The following FERMT2 variants were observed in gnomAD, a reference collection of about 807,000 sequenced individuals.
FERMT2 encodes FERM domain containing kindlin 2, also known as fermitin family homolog 2.
In FERMT2, 15 loss-of-function variants were observed where a neutral mutation model predicts 82.7. The ratio of observed to expected loss-of-function variants is 0.18; its 90% CI spans 0.12 to 0.28. The LOEUF is 0.28. Ranked by LOEUF, FERMT2 falls within the 10% of genes least tolerant of loss-of-function variation. The pLI is 1.00. For synonymous variants in FERMT2, 274 were observed against 271.5 expected, an observed-to-expected ratio of 1.01 and a Z score of -0.09; for missense variants, 645 against 809.4, an observed-to-expected ratio of 0.80 and a Z score of 2.46.
In FERMT2 at chr14:52,864,635, A is replaced by G. The variant is rs1168832943; in HGVS notation, c.1381-13T>C. On this transcript the variant is annotated splice_polypyrimidine_tract_variant and intron_variant, in intron 11 of 14. Transcript: ENST00000341590. ...CATACTGTTTTTCCTGGAGAAAAGA[A>G]ATACTGATGTGTGCAATGTATCACG... 6.2e-7 allele frequency: 1 copy of G among 1,610,336 alleles called. No individual in the cohort carries two copies. Among genetic ancestry groups the G allele is most frequent in the Non-Finnish European group, 8.5e-7 (1 of 1,176,634 alleles).
chr14:52,893,225 C>A, intron 4 of FERMT2, 68 bp downstream of exon 4: 2 of 1,394,976 alleles, frequency 1.4e-6, no homozygotes, highest in South Asian at 1.7e-5. Context: ...ATTTACCCAC[C>A]ACCAGAAAGA....
At chr14:52,950,343 G>T (rs1431442497) in intron 2 of FERMT2, 69 bp downstream of exon 2, 2 of 1,503,762 alleles carry the variant, frequency 1.3e-6, no homozygotes, top group Non-Finnish European at 1.8e-6. Context: ...CTCCCCCGTC[G>T]TGAGCCTCTT....
intron 2 of FERMT2, among the ~76,000 whole-genome samples, chr14:52,931,041 T>C (rs938182600): frequency 2.0e-5 from 3 of 148,676 alleles, no homozygotes; most frequent in African/African-American, 7.3e-5. Flanking sequence ...TCTGATCTCT[T>C]TAGTCACTCA....
intron 7 of FERMT2, among the ~76,000 whole-genome samples, chr14:52,877,694 G>C (rs578008449): frequency 4.8e-4 from 69 of 142,710 alleles, no homozygotes; most frequent in Middle Eastern, 3.8e-3. Flanking sequence ...TTGGAAGACT[G>C]AGAGCATTTT....
intron 2 of FERMT2, among the ~76,000 whole-genome samples, chr14:52,924,420 TGTA>T (rs986375572): frequency 4.0e-5 from 2 of 49,726 alleles, no homozygotes; most frequent in Non-Finnish European, 9.3e-5. Flanking sequence ...AACAGCTGTC[TGTA>T]TTTTTTTTAT....
intron 2 of FERMT2, among the ~76,000 whole-genome samples, chr14:52,923,704 G>GA (rs1332405343): frequency 2.7e-5 from 4 of 150,904 alleles, no homozygotes; most frequent in Middle Eastern, 3.4e-3. Flanking sequence ...TTTACCCACA[G>GA]AAAAAAAATA....
chr14:52,888,530 T>C (rs1278005223), intron 4 of FERMT2, among the ~76,000 whole-genome samples: 5 of 152,262 alleles, frequency 3.3e-5, no homozygotes, highest in Non-Finnish European at 5.9e-5. Context: ...ATTCTACCAG[T>C]AGCTTCTTGT....
At chr14:52,897,954 CAAGGAGAGTGAAACTCCGTCTCAAAAAA>C (rs1887386109) in intron 3 of FERMT2, among the ~76,000 whole-genome samples, 1 of 104,688 alleles carries the variant, frequency 9.6e-6, no homozygotes. Flanking sequence ...CCAGCCTGGG[CAAGGAGAGTGAAACTCCGTCTCAAAAAA>C]AAAAAAAAAA....
chr14:52,946,370 A>T (rs1271023619), intron 2 of FERMT2, among the ~76,000 whole-genome samples: 1 of 152,066 alleles, frequency 6.6e-6, no homozygotes, highest in Non-Finnish European at 1.5e-5. Context: ...TAAAAAAAAA[A>T]AAACAGGCAT....
intron 2 of FERMT2, among the ~76,000 whole-genome samples, chr14:52,947,808 T>G (rs1291189567): frequency 6.6e-6 from 1 of 152,204 alleles, no homozygotes; most frequent in African/African-American, 2.4e-5. Flanking sequence ...AGCCTCTTCC[T>G]AGAAACTTCC....
chr14:52,894,499 A>C (rs1322628804), intron 3 of FERMT2, among the ~76,000 whole-genome samples: 1 of 152,202 alleles, frequency 6.6e-6, no homozygotes, highest in Admixed American at 6.5e-5. Flanking sequence ...TGGACGACTT[A>C]CACTAACTGA....
chr14:52,885,289 G>T (rs998962966), intron 4 of FERMT2, among the ~76,000 whole-genome samples: 1 of 114,982 alleles, frequency 8.7e-6, no homozygotes, highest in African/African-American at 3.2e-5. Context: ...CTCCAGCCTG[G>T]GTAACAGGGC....
Position 52,893,442 on chromosome 14 carries a change from G to C in FERMT2, c.392-15C>G, listed in dbSNP as rs751310966. 1 of 1,564,884 alleles carries C rather than the reference G, an allele frequency of 6.4e-7. No homozygotes were observed. The highest frequency in any genetic ancestry group is 8.7e-7 in the Non-Finnish European group (1 of 1,155,724). ...GTGTCTGATATCTGTTAATAAAATA[G>C]ATTGTTTTACTAGAACAAAGGAAAA... On this transcript the variant is annotated splice_polypyrimidine_tract_variant and intron_variant, in intron 3 of 14. Coordinates refer to ENST00000341590, the MANE Select transcript of FERMT2 (RefSeq NM_006832.3).
intron 3 of FERMT2, among the ~76,000 whole-genome samples, chr14:52,911,739 T>G (rs1481281516): frequency 6.6e-6 from 1 of 152,102 alleles, no homozygotes; most frequent in Non-Finnish European, 1.5e-5. Context: ...TTCCCTCTTT[T>G]CTAACACACA....
chr14:52,940,444 T>C (rs1365755163), intron 2 of FERMT2, among the ~76,000 whole-genome samples: 1 of 152,248 alleles, frequency 6.6e-6, no homozygotes, highest in Non-Finnish European at 1.5e-5. Flanking sequence ...TGAGTTACTA[T>C]GAACAATTAA....
At chr14:52,875,142 A>C in intron 8 of FERMT2, 81 bp downstream of exon 8, 1 of 1,233,434 alleles carries the variant, frequency 8.1e-7, no homozygotes. Flanking sequence ...CACCACCCCC[A>C]AATACTTTGA....
At chr14:52,876,969 C>T (rs1197198077) in intron 7 of FERMT2, among the ~76,000 whole-genome samples, 2 of 152,112 alleles carry the variant, frequency 1.3e-5, no homozygotes, top group Admixed American at 1.3e-4. Context: ...TGGTTTGAGA[C>T]CATTCCATTT....
In FERMT2 at chr14:52,878,672, G is replaced by A; in HGVS notation, c.873C>T (p.Ile291=). 1 of 1,577,958 alleles carries A rather than the reference G, an allele frequency of 6.3e-7. No individual in the cohort carries two copies. The highest frequency in any genetic ancestry group is 8.7e-7 in the Non-Finnish European group (1 of 1,153,012). The part of the protein sequence containing the change: ...DLNPKYDAIR[I]NQLYEQAKWA... ...ATTTGGCCTGCTCGTAAAGCTGATT[G>A]ATTCTGATTGCATCATACTGCAACA... is the stretch of plus-strand genomic sequence containing the variant. The change falls in exon 7 of 15, where the codon ATC becomes ATT. Residue 291 remains isoleucine (I), a synonymous_variant. Transcript: ENST00000341590.
At chr14:52,918,181 C>T (rs760982434) in intron 3 of FERMT2, among the ~76,000 whole-genome samples, 5 of 151,980 alleles carry the variant, frequency 3.3e-5, no homozygotes, top group South Asian at 2.1e-4. Context: ...ATTAATAGTA[C>T]GTCTATACTC....
Sources: gnomAD v4.1 joint callset for allele counts (sites outside exome capture counted in the v4.1 genomes callset) on GRCh38, gnomAD v4.1.1 for gene constraint, MANE v1.5 for transcripts, NCBI Gene and HGNC (gene_info 2026-07-23, HGNC 2026-07-21) for gene names.